The following LHFPL3 variants were observed in gnomAD, a reference collection of about 807,000 sequenced individuals.
The protein encoded by LHFPL3 is LHFPL tetraspan subfamily member 3 protein.
LHFPL3 carries 5 observed loss-of-function variants against 19.3 expected under a neutral mutation model. The observed-to-expected ratio is 0.26, with a 90% CI of 0.14 to 0.54. LHFPL3 has a LOEUF of 0.54. LHFPL3 is among the 20% of genes least tolerant of loss of function. The probability of loss-of-function intolerance (pLI) is 0.94; values close to 1 mark genes in which losing one functional copy is unlikely to be tolerated. For missense variants in LHFPL3, 249 were observed against 307.4 expected (o/e 0.81, Z 1.42); for synonymous variants, 133 against 126.2 (o/e 1.05, Z -0.36).
In LHFPL3 at chr7:104,707,999, A is replaced by G. The variant is rs1584490360; in HGVS notation, c.446-28676A>G. On this transcript the variant is annotated intron_variant, in intron 1 of 2. Coordinates refer to ENST00000424859, the MANE Select transcript of LHFPL3 (RefSeq NM_199000.3). ...AGAGGCCAAAGACCTAGAATACATCAGCAGTCAAGAACAGGTGAGGGGAGA... is the reference window on the plus strand; with the variant it reads ...AGAGGCCAAAGACCTAGAATACATCGGCAGTCAAGAACAGGTGAGGGGAGA... Among the ~76,000 whole-genome samples the G allele has an allele frequency of 2.6e-5, 4 of 152,268 alleles. No individual in the cohort carries two copies. The South Asian group carries it at 8.3e-4, about 31-fold the overall frequency.
intron 1 of LHFPL3, among the ~76,000 whole-genome samples, chr7:104,704,993 C>G (rs1341426232): frequency 2.0e-5 from 3 of 152,206 alleles, no homozygotes; most frequent in African/African-American, 7.2e-5. Flanking sequence ...TGTCCTACTT[C>G]TTCTCCTTTC....
intron 1 of LHFPL3, among the ~76,000 whole-genome samples, chr7:104,581,906 T>C (rs1258298083): frequency 1.3e-5 from 2 of 152,018 alleles, no homozygotes; most frequent in Non-Finnish European, 2.9e-5. Context: ...AGGTATTAAA[T>C]TCAAGTACTG....
chr7:104,434,654 T>C (rs1295158677), intron 1 of LHFPL3, among the ~76,000 whole-genome samples: 1 of 152,194 alleles, frequency 6.6e-6, no homozygotes, highest in East Asian at 1.9e-4. Context: ...CTCTACTGCA[T>C]GTAATGTAAG....
chr7:104,447,926 G>A (rs1412349496), intron 1 of LHFPL3, among the ~76,000 whole-genome samples: 3 of 151,978 alleles, frequency 2.0e-5, no homozygotes, highest in East Asian at 1.9e-4. Context: ...CAAAAATTGC[G>A]ATTTTTGTGG....
intron 2 of LHFPL3, among the ~76,000 whole-genome samples, chr7:104,782,947 C>T (rs77910393): frequency 0.012 from 1,756 of 152,366 alleles, 28 homozygotes; most frequent in East Asian, 0.033. Flanking sequence ...TGCGCACGCG[C>T]GCACACACAC....
intron 2 of LHFPL3, among the ~76,000 whole-genome samples, chr7:104,880,775 A>T (rs1381497249): frequency 6.6e-6 from 1 of 152,206 alleles, no homozygotes; most frequent in African/African-American, 2.4e-5. Flanking sequence ...GTATATAAAA[A>T]AATAATAGTA....
chr7:104,474,786 G>T lies in LHFPL3; in HGVS notation c.445+145562G>T, dbSNP rs1792979697. ...AGTAGAATGAAATAAATACTGAAAA[G>T]GCAGAAGAAGGTGTTATGAAGAGGC... On this transcript the variant is annotated intron_variant, in intron 1 of 2. Transcript: ENST00000424859. Among the ~76,000 whole-genome samples, 4 of 151,842 alleles carry T rather than the reference G, an allele frequency of 2.6e-5. No homozygotes were observed. The South Asian group carries it at 8.3e-4, about 32-fold the overall frequency.
intron 1 of LHFPL3, among the ~76,000 whole-genome samples, chr7:104,347,371 G>C (rs987198757): frequency 6.6e-6 from 1 of 152,114 alleles, no homozygotes; most frequent in Non-Finnish European, 1.5e-5. Flanking sequence ...ATAGTGAGGG[G>C]AGAACAGAAC....
intron 2 of LHFPL3, among the ~76,000 whole-genome samples, chr7:104,810,065 A>T (rs936469049): frequency 2.0e-5 from 3 of 152,246 alleles, no homozygotes; most frequent in African/African-American, 7.2e-5. Flanking sequence ...TGAAGGAGTA[A>T]GCCAGTTGAA....
At chr7:104,526,588 G>A (rs1170386198) in intron 1 of LHFPL3, among the ~76,000 whole-genome samples, 1 of 152,180 alleles carries the variant, frequency 6.6e-6, no homozygotes, top group Non-Finnish European at 1.5e-5. Context: ...ATACCTCTTA[G>A]TGACATTAGT....
At chr7:104,876,338 C>T (rs1412731398) in intron 2 of LHFPL3, among the ~76,000 whole-genome samples, 1 of 152,172 alleles carries the variant, frequency 6.6e-6, no homozygotes, top group East Asian at 1.9e-4. Context: ...TCAGAGTGAA[C>T]AGGCAACCTA....
chr7:104,468,937 G>T (rs933120076), intron 1 of LHFPL3, among the ~76,000 whole-genome samples: 1 of 152,122 alleles, frequency 6.6e-6, no homozygotes, highest in South Asian at 2.1e-4. Flanking sequence ...GGGATAACAG[G>T]TGTGAGCCAC....
intron 1 of LHFPL3, among the ~76,000 whole-genome samples, chr7:104,727,097 T>G (rs539213907): frequency 6.6e-6 from 1 of 152,368 alleles, no homozygotes; most frequent in African/African-American, 2.4e-5. Flanking sequence ...GTTGAGCTTT[T>G]TTCATGTTTG....
chr7:104,893,895 T>C (rs1792302123), intron 2 of LHFPL3, among the ~76,000 whole-genome samples: 1 of 150,768 alleles, frequency 6.6e-6, no homozygotes, highest in South Asian at 2.1e-4. Context: ...GAGGTTGCAG[T>C]GAGCAGAGAT....
intron 1 of LHFPL3, among the ~76,000 whole-genome samples, chr7:104,400,518 A>G (rs537407663): frequency 2.0e-5 from 3 of 152,228 alleles, no homozygotes; most frequent in African/African-American, 4.8e-5. Context: ...CAAATGTTCT[A>G]TGTAGACCAC....
chr7:104,818,823 T>TA (rs904810954), intron 2 of LHFPL3, among the ~76,000 whole-genome samples: 68 of 150,426 alleles, frequency 4.5e-4, no homozygotes, highest in African/African-American at 1.3e-3. Context: ...ATGCTAAAAT[T>TA]AAAAAAAAAG....
At chr7:104,578,052 T>C (rs1335473338) in intron 1 of LHFPL3, among the ~76,000 whole-genome samples, 1 of 152,192 alleles carries the variant, frequency 6.6e-6, no homozygotes, top group Non-Finnish European at 1.5e-5. Flanking sequence ...GTATCCAAGA[T>C]AAAGAAATGC....
chr7:104,850,835 C>T (rs1791403431), intron 2 of LHFPL3, among the ~76,000 whole-genome samples: 1 of 151,864 alleles, frequency 6.6e-6, no homozygotes, highest in South Asian at 2.1e-4. Flanking sequence ...CACTGATTCT[C>T]AAATGACTAT....
At chr7:104,848,684 G>A (rs960386620) in intron 2 of LHFPL3, among the ~76,000 whole-genome samples, 2 of 152,170 alleles carry the variant, frequency 1.3e-5, no homozygotes, top group Non-Finnish European at 2.9e-5. Flanking sequence ...GGAGTCCTAT[G>A]GGCTGCCCCT....
Sources: allele counts gnomAD v4.1 joint callset (sites outside exome capture counted in the v4.1 genomes callset), GRCh38; gene constraint gnomAD v4.1.1; transcripts MANE v1.5; gene names NCBI Gene and HGNC (gene_info 2026-07-23, HGNC 2026-07-21).